PSMD14: variants seen among roughly 807,000 people sequenced by gnomAD.
PSMD14 encodes the protein proteasome 26S subunit, non-ATPase 14.
A neutral mutation model predicts 41.2 loss-of-function variants in PSMD14; 7 were observed. That is an observed-to-expected ratio of 0.17 (90% CI 0.10 to 0.32). The LOEUF (loss-of-function observed/expected upper bound fraction) is 0.32, where lower values mean the gene tolerates loss of function less well. Among genes scored for constraint, PSMD14 ranks in the 10% least tolerant of loss-of-function variants. The pLI is 1.00. For synonymous variants in PSMD14, 114 were observed against 122.3 expected (o/e 0.93, Z 0.45); for missense variants, 139 against 375.6 (o/e 0.37, Z 5.21).
intron 7 of PSMD14, among the ~76,000 whole-genome samples, chr2:161,377,492 A>G (rs532045508): frequency 6.6e-6 from 1 of 152,062 alleles, no homozygotes; most frequent in South Asian, 2.1e-4. Context: ...TATTTATGAT[A>G]GAATAACATG....
chr2:161,406,073 A>T (rs1683943922), intron 10 of PSMD14, among the ~76,000 whole-genome samples: 1 of 152,168 alleles, frequency 6.6e-6, no homozygotes, highest in African/African-American at 2.4e-5. Context: ...AGTGCCAAAG[A>T]TCCCATCAGT....
At chr2:161,365,826 T>G (rs1245865592) in intron 3 of PSMD14, among the ~76,000 whole-genome samples, 16 of 152,146 alleles carry the variant, frequency 1.1e-4, no homozygotes, top group Admixed American at 1.0e-3. Context: ...CTTTTAACTA[T>G]TTTGAAATAT....
At chr2:161,361,915 TA>T (rs1177596930) in intron 3 of PSMD14, among the ~76,000 whole-genome samples, 1 of 152,222 alleles carries the variant, frequency 6.6e-6, no homozygotes, top group Non-Finnish European at 1.5e-5. Context: ...AATCCATTTA[TA>T]TGTTTTCATA....
At chr2:161,313,077 A>G (rs1324937890) in intron 1 of PSMD14, among the ~76,000 whole-genome samples, 1 of 152,068 alleles carries the variant, frequency 6.6e-6, no homozygotes, top group African/African-American at 2.4e-5. Flanking sequence ...TGTGAGATAG[A>G]TCTCCATTTT....
intron 1 of PSMD14, chr2:161,308,846 A>C (rs1372447655): frequency 6.6e-6 from 1 of 151,542 alleles, no homozygotes; most frequent in African/African-American, 2.4e-5. Context: ...CATCATGGGA[A>C]CCTCTTCCAT....
intron 1 of PSMD14, among the ~76,000 whole-genome samples, chr2:161,308,995 GTTTGT>G (rs893044291): frequency 6.6e-6 from 1 of 152,136 alleles, no homozygotes; most frequent in Non-Finnish European, 1.5e-5. Context: ...CATTGAATAC[GTTTGT>G]TTTATCTCTT....
chr2:161,321,892 C>A (rs968249430), intron 3 of PSMD14, among the ~76,000 whole-genome samples: 1 of 152,172 alleles, frequency 6.6e-6, no homozygotes, highest in Non-Finnish European at 1.5e-5. Flanking sequence ...GGGAACTCCA[C>A]CTGGTGTAGC....
chr2:161,320,952 C>G (rs894591812), intron 3 of PSMD14, among the ~76,000 whole-genome samples: 3 of 152,170 alleles, frequency 2.0e-5, no homozygotes, highest in African/African-American at 7.2e-5. Flanking sequence ...TCTTGAACTC[C>G]TGACCTCAAG....
intron 3 of PSMD14, among the ~76,000 whole-genome samples, chr2:161,319,822 G>T (rs1220837395): frequency 6.6e-6 from 1 of 152,120 alleles, no homozygotes; most frequent in African/African-American, 2.4e-5. Context: ...CATAAGAACT[G>T]TTTGATTAGG....
Position 161,345,425 on chromosome 2 carries a change from T to A in PSMD14, c.49-22053T>A, listed in dbSNP as rs531141268. On this transcript the variant is annotated intron_variant, in intron 3 of 11. Coordinates refer to ENST00000409682, the MANE Select transcript of PSMD14 (RefSeq NM_005805.6). ...GCCCGGCTAATTTTTCTATTTTTTG[T>A]ACAGACAGGGTTTCACTATGTTGCC... is the stretch of plus-strand genomic sequence containing the variant. 2.6e-5 allele frequency among the ~76,000 whole-genome samples: 4 copies of A among 151,962 alleles called. No homozygotes were observed. The East Asian group carries it at 7.7e-4, about 29-fold the overall frequency.
At chr2:161,372,807 A>G (rs1683454940) in intron 7 of PSMD14, among the ~76,000 whole-genome samples, 2 of 152,026 alleles carry the variant, frequency 1.3e-5, no homozygotes, top group East Asian at 3.9e-4. Context: ...CTGTTTTACA[A>G]ATATAACAAT....
chr2:161,385,900 T>C (rs1318451945), intron 8 of PSMD14, among the ~76,000 whole-genome samples: 1 of 151,792 alleles, frequency 6.6e-6, no homozygotes, highest in Non-Finnish European at 1.5e-5. Context: ...AGGATGTAAC[T>C]ATTATCATTG....
intron 7 of PSMD14, among the ~76,000 whole-genome samples, chr2:161,377,469 A>G (rs1363726567): frequency 6.6e-6 from 1 of 151,904 alleles, no homozygotes; most frequent in Non-Finnish European, 1.5e-5. Flanking sequence ...TATAGGTACT[A>G]ATTTGCCTAT....
At chr2:161,314,408 AAACT>A (rs1237255795) in intron 1 of PSMD14, among the ~76,000 whole-genome samples, 1 of 152,248 alleles carries the variant, frequency 6.6e-6, no homozygotes, top group African/African-American at 2.4e-5. Context: ...ACATAATATA[AAACT>A]AACCATTTTA....
intron 6 of PSMD14, 57 bp downstream of exon 6, chr2:161,370,234 C>A: frequency 7.9e-7 from 1 of 1,265,904 alleles, no homozygotes; most frequent in Non-Finnish European, 1.1e-6. Flanking sequence ...TAGAAACATA[C>A]CTCAAAGTTA....
intron 3 of PSMD14, among the ~76,000 whole-genome samples, chr2:161,330,234 A>C (rs1682766159): frequency 2.0e-5 from 3 of 152,228 alleles, no homozygotes; most frequent in South Asian, 4.1e-4. Flanking sequence ...AAATGTTTAA[A>C]GTTTTAAATA....
intron 9 of PSMD14, among the ~76,000 whole-genome samples, chr2:161,394,438 A>G (rs138393944): frequency 1.3e-4 from 20 of 152,340 alleles, no homozygotes; most frequent in Non-Finnish European, 2.8e-4. Context: ...TGAGGATCAG[A>G]AAGATTGACA....
intron 10 of PSMD14, among the ~76,000 whole-genome samples, chr2:161,401,664 G>T (rs1683881088): frequency 6.6e-6 from 1 of 152,092 alleles, no homozygotes; most frequent in Non-Finnish European, 1.5e-5. Flanking sequence ...ATACATATAT[G>T]ATCTTTATTA....
chr2:161,401,553 T>C (rs899161080), intron 10 of PSMD14, among the ~76,000 whole-genome samples: 1 of 152,222 alleles, frequency 6.6e-6, no homozygotes, highest in African/African-American at 2.4e-5. Flanking sequence ...AAGATGGACA[T>C]TAAGAAGGTG....
Sources: allele counts gnomAD v4.1 joint callset (sites outside exome capture counted in the v4.1 genomes callset), GRCh38; gene constraint gnomAD v4.1.1; transcripts MANE v1.5; gene names NCBI Gene and HGNC (gene_info 2026-07-23, HGNC 2026-07-21).